GMDS: variants seen among roughly 807,000 people sequenced by gnomAD.
The protein encoded by GMDS is GDP-mannose 4,6 dehydratase.
A neutral mutation model predicts 49.9 loss-of-function variants in GMDS; 20 were observed. The observed-to-expected ratio is 0.40, with a 90% CI of 0.28 to 0.58. The LOEUF (loss-of-function observed/expected upper bound fraction) is 0.58. Ranked by LOEUF, GMDS falls within the 20% of genes least tolerant of loss-of-function variation. The probability of loss-of-function intolerance (pLI) is 0.42; values close to 1 mark genes in which losing one functional copy is unlikely to be tolerated. For synonymous variants in GMDS, 177 were observed against 178.6 expected, an observed-to-expected ratio of 0.99 and a Z score of 0.07; for missense variants, 362 against 481.4, an observed-to-expected ratio of 0.75 and a Z score of 2.32.
chr6:1,881,751 A>G (rs1759372475), intron 7 of GMDS, among the ~76,000 whole-genome samples: 2 of 152,206 alleles, frequency 1.3e-5, no homozygotes, highest in African/African-American at 4.8e-5. Context: ...AAATAACAAG[A>G]TTCGGATTAC....
chr6:1,981,973 C>T (rs760172785), intron 4 of GMDS, among the ~76,000 whole-genome samples: 3 of 152,132 alleles, frequency 2.0e-5, no homozygotes, highest in Non-Finnish European at 4.4e-5. Flanking sequence ...AATTCAACAT[C>T]CCCTCATGTA....
chr6:1,692,416 T>C (rs1765205326), intron 9 of GMDS, among the ~76,000 whole-genome samples: 1 of 152,246 alleles, frequency 6.6e-6, no homozygotes. Context: ...ACAGGGTTTG[T>C]TGAGCTTCTT....
chr6:2,206,917 A>T (rs1471190207), intron 1 of GMDS, among the ~76,000 whole-genome samples: 1 of 152,216 alleles, frequency 6.6e-6, no homozygotes, highest in Admixed American at 6.5e-5. Context: ...CAGAGCCATG[A>T]AGGGAGAATA....
intron 7 of GMDS, among the ~76,000 whole-genome samples, chr6:1,908,133 G>C (rs1264611024): frequency 3.3e-5 from 5 of 152,140 alleles, no homozygotes; most frequent in Admixed American, 3.3e-4. Context: ...GCTACTAAGA[G>C]ACTAATGGGT....
chr6:1,840,487 G>C (rs1757108086), intron 7 of GMDS, among the ~76,000 whole-genome samples: 1 of 152,246 alleles, frequency 6.6e-6, no homozygotes, highest in Non-Finnish European at 1.5e-5. Context: ...CTGGAAGTGA[G>C]AGAGTCCAAG....
intron 4 of GMDS, among the ~76,000 whole-genome samples, chr6:1,994,258 C>T (rs941495980): frequency 6.6e-6 from 1 of 152,058 alleles, no homozygotes; most frequent in African/African-American, 2.4e-5. Context: ...GACACAAACC[C>T]CTTTCCAATT....
intron 7 of GMDS, among the ~76,000 whole-genome samples, chr6:1,843,768 CAAAT>C (rs1489183257): frequency 1.3e-5 from 2 of 152,092 alleles, no homozygotes; most frequent in Non-Finnish European, 2.9e-5. Context: ...GACCCTGCCT[CAAAT>C]AAATAAATAA....
chr6:2,000,194 C>T lies in GMDS; in HGVS notation c.346-39228G>A, dbSNP rs541178375. Among the ~76,000 whole-genome samples the T allele has an allele frequency of 4.1e-5, 6 of 147,132 alleles. No individual in the cohort carries two copies. In the South Asian group the frequency reaches 1.3e-3, roughly 32 times the overall value. ...GGGACTACAGGCGCCCGCCACCATG[C>T]CCGGCTAATTTTTTGTATTTTTGGT... On this transcript the variant is annotated intron_variant, in intron 4 of 10. Coordinates refer to ENST00000380815, the MANE Select transcript of GMDS (RefSeq NM_001500.4).
chr6:1,724,719 G>A (rs2113436405), intron 9 of GMDS, among the ~76,000 whole-genome samples: 1 of 152,328 alleles, frequency 6.6e-6, no homozygotes, highest in Middle Eastern at 3.4e-3. Flanking sequence ...GAGTCAAATG[G>A]CAGCACAGCT....
chr6:2,127,349 A>G (rs1159743893), intron 1 of GMDS, among the ~76,000 whole-genome samples: 1 of 152,116 alleles, frequency 6.6e-6, no homozygotes, highest in East Asian at 1.9e-4. Flanking sequence ...ACTTCTAATC[A>G]TTCTCTTGGA....
At chr6:1,914,505 T>C (rs1761272786) in intron 7 of GMDS, among the ~76,000 whole-genome samples, 1 of 151,744 alleles carries the variant, frequency 6.6e-6, no homozygotes, top group African/African-American at 2.4e-5. Context: ...AATCTTTAAA[T>C]ACAGAGTCTG....
intron 1 of GMDS, among the ~76,000 whole-genome samples, chr6:2,231,745 T>C (rs1248494050): frequency 6.6e-6 from 1 of 152,200 alleles, no homozygotes; most frequent in South Asian, 2.1e-4. Flanking sequence ...ACAGCCCTGG[T>C]TTCCAACATT....
chr6:1,659,210 C>CT (rs564150050), intron 9 of GMDS, among the ~76,000 whole-genome samples: 2,599 of 138,934 alleles, frequency 0.019, 64 homozygotes, highest in African/African-American at 0.06. Flanking sequence ...GTGGCAGGGC[C>CT]TTTTTTTTTT....
intron 4 of GMDS, among the ~76,000 whole-genome samples, chr6:2,113,626 C>T (rs1157306086): frequency 6.6e-6 from 1 of 152,048 alleles, no homozygotes; most frequent in Non-Finnish European, 1.5e-5. Flanking sequence ...TACCTCAACA[C>T]CAGAGCCAGT....
chr6:2,124,192 G>A (rs1000505038), intron 2 of GMDS, among the ~76,000 whole-genome samples: 3 of 152,032 alleles, frequency 2.0e-5, no homozygotes, highest in Admixed American at 1.3e-4. Context: ...TGAAGACAAC[G>A]ACAAAAGCAG....
intron 4 of GMDS, among the ~76,000 whole-genome samples, chr6:2,052,321 G>A (rs555558181): frequency 5.5e-4 from 83 of 151,904 alleles, no homozygotes; most frequent in African/African-American, 1.8e-3. Context: ...TTTCTTTACC[G>A]GTAGTAGTAC....
At chr6:1,647,853 T>C (rs888441183) in intron 9 of GMDS, among the ~76,000 whole-genome samples, 3 of 152,188 alleles carry the variant, frequency 2.0e-5, no homozygotes, top group African/African-American at 7.2e-5. Context: ...GACACTGTAC[T>C]GATCCCTCCA....
chr6:2,073,058 G>A (rs75194098), intron 4 of GMDS, among the ~76,000 whole-genome samples: 4,463 of 152,270 alleles, frequency 0.029, 138 homozygotes, highest in South Asian at 0.12. Flanking sequence ...TCCACCATGG[G>A]ATGTTTAGGT....
intron 7 of GMDS, among the ~76,000 whole-genome samples, chr6:1,897,828 T>C (rs1344614914): frequency 6.6e-6 from 1 of 152,240 alleles, no homozygotes; most frequent in Non-Finnish European, 1.5e-5. Flanking sequence ...ACCTGTCCAA[T>C]GCTGAATGAT....
Sources: allele counts gnomAD v4.1 joint callset (sites outside exome capture counted in the v4.1 genomes callset), GRCh38; gene constraint gnomAD v4.1.1; transcripts MANE v1.5; gene names NCBI Gene and HGNC (gene_info 2026-07-23, HGNC 2026-07-21).